The following KAZN variants were observed in gnomAD, a reference collection of about 807,000 sequenced individuals.
KAZN encodes the protein kazrin.
In KAZN, 40 loss-of-function variants were observed where a neutral mutation model predicts 87.4. The observed-to-expected ratio is 0.46, with a 90% CI of 0.36 to 0.60. The LOEUF is 0.60. Ranked by LOEUF, KAZN falls within the 20% of genes least tolerant of loss-of-function variation. The pLI, the probability that KAZN is intolerant of heterozygous loss-of-function variation, is 0.00. For synonymous variants in KAZN, 466 were observed against 458.3 expected (o/e 1.02, Z -0.22); for missense variants, 898 against 1,073.9 (o/e 0.84, Z 2.29).
At chr1:14,319,270 T>G (rs1448427714) in intron 2 of KAZN, among the ~76,000 whole-genome samples, 1 of 152,090 alleles carries the variant, frequency 6.6e-6, no homozygotes, top group Non-Finnish European at 1.5e-5. Flanking sequence ...CCTACTAAAA[T>G]TCTGCTAGGT....
Position 15,050,903 on chromosome 1 carries a change from C to T in KAZN, c.727-5188C>T, listed in dbSNP as rs530294392. 7.9e-5 allele frequency among the ~76,000 whole-genome samples: 12 copies of T among 152,348 alleles called. No homozygotes were observed. The East Asian group carries it at 1.4e-3, about 17-fold the overall frequency. ...CCATATTTGCCTCATCAGCTCACAC[C>T]GGTGCCTCCCTGCTGGACCTGCTCC... On this transcript the variant is annotated intron_variant, in intron 4 of 14. Transcript: ENST00000376030.
At chr1:14,959,683 C>T (rs1005606725) in intron 1 of KAZN, among the ~76,000 whole-genome samples, 2 of 152,178 alleles carry the variant, frequency 1.3e-5, no homozygotes, top group Non-Finnish European at 2.9e-5. Context: ...ATGCACTCTC[C>T]TAAGAGTTAT....
At chr1:14,925,235 C>T (rs1192336373) in intron 1 of KAZN, among the ~76,000 whole-genome samples, 1 of 152,194 alleles carries the variant, frequency 6.6e-6, no homozygotes, top group Non-Finnish European at 1.5e-5. Flanking sequence ...ATCTCCCTTC[C>T]CCCTGCCCCT....
chr1:14,159,184 C>G (rs1645658449), intron 1 of KAZN, among the ~76,000 whole-genome samples: 2 of 152,168 alleles, frequency 1.3e-5, no homozygotes, highest in African/African-American at 4.8e-5. Flanking sequence ...ATTGTCCTTC[C>G]CTTCAAGGTG....
chr1:15,115,320 C>T lies in KAZN; in HGVS notation c.*685C>T, dbSNP rs1324716728. ...GGAGTGGCTACGCTGAGTGGGGAGCCGGTGAATGATCCGTGCAGGAGTGGG... is the reference window on the plus strand; with the variant it reads ...GGAGTGGCTACGCTGAGTGGGGAGCTGGTGAATGATCCGTGCAGGAGTGGG... On this transcript the variant is annotated 3_prime_UTR_variant, in exon 15 of 15. Transcript: ENST00000376030. The surrounding 1 kb of genome is among the most constrained non-coding windows in gnomAD (Gnocchi z 4.1). The T allele has an allele frequency of 6.6e-6, 1 of 152,212 alleles. No homozygotes were observed. The highest frequency in any genetic ancestry group is 1.5e-5 in the Non-Finnish European group (1 of 68,066). 9.4% of individuals were successfully genotyped at this position (152,212 alleles called of 1,614,324 possible).
chr1:14,904,954 G>A (rs1254495142), intron 1 of KAZN, among the ~76,000 whole-genome samples: 2 of 152,116 alleles, frequency 1.3e-5, no homozygotes, highest in African/African-American at 4.8e-5. Context: ...GTAGAGATGG[G>A]GTTTCACGGT....
At chr1:14,116,064 T>C (rs1644610254) in intron 1 of KAZN, among the ~76,000 whole-genome samples, 2 of 151,750 alleles carry the variant, frequency 1.3e-5, no homozygotes, top group Admixed American at 6.6e-5. Flanking sequence ...CATTCAGTTT[T>C]ATAAAGGAAG....
chr1:14,418,378 G>A (rs1665012888), intron 2 of KAZN, among the ~76,000 whole-genome samples: 1 of 152,166 alleles, frequency 6.6e-6, no homozygotes, highest in Admixed American at 6.5e-5. Context: ...GCATAAAGTA[G>A]TTTGCACTGT....
intron 1 of KAZN, among the ~76,000 whole-genome samples, chr1:14,602,203 G>T (rs1677033928): frequency 6.6e-6 from 1 of 152,114 alleles, no homozygotes; most frequent in Non-Finnish European, 1.5e-5. Flanking sequence ...CTGTGAGCTG[G>T]CATGGTTGCT....
chr1:14,129,640 G>A lies in KAZN; in HGVS notation c.92-50795G>A, dbSNP rs186380997. 2.1e-3 allele frequency among the ~76,000 whole-genome samples: 325 copies of A among 152,260 alleles called. 1 individual carries two copies. The highest frequency in any genetic ancestry group is 6.7e-3 in the African/African-American group (277 of 41,540). ...TGTTGGGGCTCACTCAGTGCCACTC[G>A]TCCATATTCTCCATGTTCTTCTCGT... On this transcript the variant is annotated intron_variant, in intron 1 of 16. Coordinates refer to the KAZN transcript ENST00000636203.
intron 2 of KAZN, among the ~76,000 whole-genome samples, chr1:14,286,547 A>G (rs937128670): frequency 2.0e-5 from 3 of 152,222 alleles, no homozygotes; most frequent in Non-Finnish European, 4.4e-5. Flanking sequence ...TAGTACAGTC[A>G]CACTTAATAA....
chr1:14,955,770 C>G (rs191377570), intron 1 of KAZN, among the ~76,000 whole-genome samples: 40 of 152,220 alleles, frequency 2.6e-4, no homozygotes, highest in African/African-American at 8.9e-4. Flanking sequence ...CTGCTCTCAT[C>G]TGAGTGCAGG....
At chr1:13,982,626 C>T (rs930220577) in intron 1 of KAZN, among the ~76,000 whole-genome samples, 2 of 152,154 alleles carry the variant, frequency 1.3e-5, no homozygotes, top group South Asian at 2.1e-4. Context: ...TTGGTAGAGC[C>T]GAGTGGTCTG....
At position 14,893,561 on chromosome 1, in the gene KAZN, C is replaced by T. The variant is rs544985349; in HGVS notation, c.227-67123C>T. On this transcript the variant is annotated intron_variant, in intron 1 of 14. Transcript: ENST00000376030. ...CATCTTCCCTTCCTCCACACCCTAA[C>T]CTTGACTGATGGCCCCCTCGCCTTT... 1.1e-4 allele frequency among the ~76,000 whole-genome samples: 17 copies of T among 151,242 alleles called. No homozygotes were observed. In the East Asian group the frequency reaches 3.3e-3, roughly 30 times the overall value.
chr1:14,535,221 C>T (rs1313303960), intron 2 of KAZN, among the ~76,000 whole-genome samples: 1 of 152,204 alleles, frequency 6.6e-6, no homozygotes, highest in Non-Finnish European at 1.5e-5. Context: ...GCCCTTTGGC[C>T]ATTTGCTGTG....
intron 1 of KAZN, among the ~76,000 whole-genome samples, chr1:14,954,648 T>G (rs1662869476): frequency 6.6e-6 from 1 of 152,190 alleles, no homozygotes; most frequent in Non-Finnish European, 1.5e-5. Context: ...TCATTTTAAT[T>G]AATTTATACG....
At chr1:13,927,278 C>T (rs1362653365) in intron 1 of KAZN, among the ~76,000 whole-genome samples, 2 of 152,154 alleles carry the variant, frequency 1.3e-5, no homozygotes, top group African/African-American at 4.8e-5. Context: ...CACTGAGGAA[C>T]TAGAAGGTCA....
At chr1:14,481,743 G>A (rs1247918943) in intron 2 of KAZN, among the ~76,000 whole-genome samples, 1 of 152,086 alleles carries the variant, frequency 6.6e-6, no homozygotes, top group Non-Finnish European at 1.5e-5. Flanking sequence ...ACTAGAAACC[G>A]AGAGAGAGAT....
intron 1 of KAZN, among the ~76,000 whole-genome samples, chr1:14,792,732 C>T (rs1482294624): frequency 2.0e-5 from 3 of 152,190 alleles, no homozygotes; most frequent in African/African-American, 7.2e-5. Flanking sequence ...AATCCCAGCA[C>T]TTTGGGAGGC....
Sources: allele counts gnomAD v4.1 joint callset (sites outside exome capture counted in the v4.1 genomes callset), GRCh38; gene constraint gnomAD v4.1.1; non-coding constraint Gnocchi (gnomAD v3.1); transcripts MANE v1.5; gene names NCBI Gene and HGNC (gene_info 2026-07-23, HGNC 2026-07-21).